The following MLIP variants were observed in gnomAD, a reference collection of about 807,000 sequenced individuals.
The protein encoded by MLIP is muscular LMNA interacting protein, also known as muscular LMNA-interacting protein.
MLIP carries 79 observed loss-of-function variants against 84.8 expected under a neutral mutation model. The ratio of observed to expected loss-of-function variants is 0.93; its 90% CI spans 0.78 to 1.12. MLIP has a LOEUF of 1.12. Ranked by LOEUF, MLIP falls within the 50% of genes most tolerant of loss-of-function variation. The pLI, the probability that MLIP is intolerant of heterozygous loss-of-function variation, is 0.00. For missense variants in MLIP, 1,257 were observed against 1,160.6 expected, an observed-to-expected ratio of 1.08 and a Z score of -1.21; for synonymous variants, 504 against 463.0, an observed-to-expected ratio of 1.09 and a Z score of -1.14.
chr6:54,068,798 C>T lies in MLIP; in HGVS notation c.63+49707C>T, dbSNP rs186894277. Among the ~76,000 whole-genome samples the T allele has an allele frequency of 1.3e-3, 129 of 100,100 alleles. 15 individuals are homozygous for T. Among genetic ancestry groups the T allele is most frequent in the African/African-American group, 3.1e-3 (123 of 39,190 alleles). 65.7% of individuals were successfully genotyped at this position (100,100 alleles called of 152,430 possible). A position where few individuals can be genotyped will look rare whatever the true frequency, so the allele number is the denominator to read the frequency against. On this transcript the variant is annotated intron_variant, in intron 1 of 12. Coordinates refer to the MLIP transcript ENST00000274897. ...GACTTAAAGAGTTAGGTAACTTGCCCCTTCACCAGCTAGCTAGTCAATTTC... is the reference window on the plus strand; with the variant it reads ...GACTTAAAGAGTTAGGTAACTTGCCTCTTCACCAGCTAGCTAGTCAATTTC...
chr6:54,078,954 G>A (rs9474727), intron 1 of MLIP, among the ~76,000 whole-genome samples: 1,963 of 152,144 alleles, frequency 0.013, 54 homozygotes, highest in African/African-American at 0.043. Context: ...GCCTCCCAAA[G>A]TGCTGGGATT....
Position 54,132,503 on chromosome 6 carries a change from CT to C in MLIP, c.646-4209del, listed in dbSNP as rs373803393. ...ATGAAGATGATACTACCAAAATTCA[CT>C]TTCCTGGTAATCTCAATTTTCCTTG... On this transcript the variant is annotated intron_variant, in intron 3 of 13. Coordinates refer to ENST00000502396, the MANE Select transcript of MLIP (RefSeq NM_001281747.2). Among the ~76,000 whole-genome samples, 232 of 152,274 alleles carry C rather than the reference CT, an allele frequency of 1.5e-3. 2 individuals carry two copies. Among genetic ancestry groups the C allele is most frequent in the African/African-American group, 5.3e-3 (220 of 41,574 alleles).
chr6:54,032,463 G>A (rs1373330893), intron 1 of MLIP: 2 of 152,162 alleles, frequency 1.3e-5, no homozygotes, highest in African/African-American at 4.8e-5. Context: ...ACACAATAAT[G>A]ATGAGGTAGG....
intron 1 of MLIP, among the ~76,000 whole-genome samples, chr6:54,073,962 C>T (rs989978610): frequency 8.5e-5 from 13 of 152,310 alleles, no homozygotes; most frequent in South Asian, 6.2e-4. Context: ...TTGCAAGCAG[C>T]AATGGGCTAG....
chr6:54,127,714 T>C (rs900037912), intron 3 of MLIP, among the ~76,000 whole-genome samples: 1 of 152,130 alleles, frequency 6.6e-6, no homozygotes, highest in African/African-American at 2.4e-5. Flanking sequence ...AATATAAATA[T>C]TGGGTTGAAT....
intron 1 of MLIP, among the ~76,000 whole-genome samples, chr6:54,100,389 C>A (rs1020545104): frequency 2.0e-5 from 3 of 151,970 alleles, no homozygotes; most frequent in Non-Finnish European, 4.4e-5. Context: ...ATTTTAGTAA[C>A]TTGAAATTTT....
chr6:54,138,568 A>G (rs1172458579), intron 4 of MLIP, among the ~76,000 whole-genome samples: 1 of 152,206 alleles, frequency 6.6e-6, no homozygotes, highest in Admixed American at 6.5e-5. Context: ...TTCCTCAGAC[A>G]TAATATGAGT....
At chr6:54,227,999 C>T (rs1474174798) in intron 11 of MLIP, among the ~76,000 whole-genome samples, 1 of 151,712 alleles carries the variant, frequency 6.6e-6, no homozygotes, top group Non-Finnish European at 1.5e-5. Context: ...CTGGCTAACA[C>T]GGTGAAACTC....
At chr6:54,216,333 C>T (rs1193795418) in intron 11 of MLIP, 4 of 985,222 alleles carry the variant, frequency 4.1e-6, no homozygotes, top group Non-Finnish European at 3.6e-6. Flanking sequence ...TTTAACTGCT[C>T]CTCCATCCTA....
At position 54,137,811 on chromosome 6, in the gene MLIP, C is replaced by T. The variant is rs935985287; in HGVS notation, c.1742C>T (p.Thr581Met). ...RGPENPRNIH[T>M]YPSTLASSAL... ...CCAGAAAACCCCAGAAACATTCACA[C>T]GTACCCTTCTACATTAGCCTCCTCT... The change falls in exon 4 of 14, where the codon ACG becomes ATG. Residue 581 changes from threonine (T) to methionine (M), a missense_variant. Physicochemically the swap from Thr to Met is moderately conservative, Grantham distance 81 (BLOSUM62 -1). Coordinates refer to ENST00000502396, the MANE Select transcript of MLIP (RefSeq NM_001281747.2). 7.2e-6 allele frequency: 11 copies of T among 1,536,084 alleles called. No homozygotes were observed. The highest frequency in any genetic ancestry group is 8.7e-6 in the Non-Finnish European group (10 of 1,146,896).
In MLIP at chr6:54,124,710, G is replaced by C; in HGVS notation, c.490G>C (p.Gly164Arg). ...AAAAGTTGAACAAGGCCCCCCAGGG[G>C]GGATTGGCACCGCAGCTGTCCGGCC... ...SRKVEQGPPG[G>R]IGTAAVRPKS... Residue 164 changes from glycine (G) to arginine (R), a missense_variant, in exon 3 of 14, where the codon GGG becomes CGG. By Grantham distance (125) the Gly-to-Arg change is moderately radical (BLOSUM62 -2). Coordinates refer to ENST00000502396, the MANE Select transcript of MLIP (RefSeq NM_001281747.2). 1 of 1,614,196 alleles carries C rather than the reference G, an allele frequency of 6.2e-7. No individual in the cohort carries two copies. The highest frequency in any genetic ancestry group is 8.5e-7 in the Non-Finnish European group (1 of 1,180,032).
Position 54,053,399 on chromosome 6 carries a change from T to C in MLIP, c.63+34308T>C, listed in dbSNP as rs559618706. Among the ~76,000 whole-genome samples the C allele has an allele frequency of 4.6e-5, 7 of 152,338 alleles. No homozygotes were observed. In the South Asian group the frequency reaches 8.3e-4, roughly 18 times the overall value. ...AGCATTTATGATGTCTTTTCTTTCATGGTTTAGAGAAATTATCTTTTTTCT... is the reference window on the plus strand; with the variant it reads ...AGCATTTATGATGTCTTTTCTTTCACGGTTTAGAGAAATTATCTTTTTTCT... On this transcript the variant is annotated intron_variant, in intron 1 of 12. Transcript: ENST00000274897.
chr6:54,041,882 C>T (rs1339167525), intron 1 of MLIP, among the ~76,000 whole-genome samples: 5 of 151,956 alleles, frequency 3.3e-5, no homozygotes, highest in South Asian at 2.1e-4. Flanking sequence ...TTTAGCTTCC[C>T]GGACCTCAGG....
At chr6:54,171,745 T>G (rs1290845910) in intron 9 of MLIP, among the ~76,000 whole-genome samples, 18 of 151,576 alleles carry the variant, frequency 1.2e-4, no homozygotes, top group African/African-American at 4.1e-4. Context: ...AAAATTCTAA[T>G]ATTCATATTG....
intron 1 of MLIP, chr6:54,079,817 A>G (rs545575209): frequency 6.6e-6 from 1 of 152,228 alleles, no homozygotes; most frequent in African/African-American, 2.4e-5. Flanking sequence ...TGGATCCTCC[A>G]TCATCCCTGT....
At chr6:54,102,331 G>C (rs1246493713) in intron 1 of MLIP, among the ~76,000 whole-genome samples, 1 of 152,174 alleles carries the variant, frequency 6.6e-6, no homozygotes, top group African/African-American at 2.4e-5. Flanking sequence ...GTATGTGTAG[G>C]ATGAAATTTG....
intron 1 of MLIP, among the ~76,000 whole-genome samples, chr6:54,027,478 T>C (rs940118367): frequency 2.1e-4 from 32 of 152,230 alleles, no homozygotes; most frequent in South Asian, 4.1e-4. Flanking sequence ...CTTTTATTCA[T>C]TCTCTTTCTG....
chr6:54,225,264 C>T (rs908612982), intron 11 of MLIP, among the ~76,000 whole-genome samples: 1 of 152,166 alleles, frequency 6.6e-6, no homozygotes, highest in African/African-American at 2.4e-5. Context: ...GCCTACTACA[C>T]ACCTAAGCTA....
chr6:54,136,170 C>T (rs1475722741), intron 3 of MLIP, among the ~76,000 whole-genome samples: 1 of 152,158 alleles, frequency 6.6e-6, no homozygotes, highest in Non-Finnish European at 1.5e-5. Context: ...TCTGTGTTGA[C>T]ATTGGGTGTT....
Sources: allele counts gnomAD v4.1 joint callset (sites outside exome capture counted in the v4.1 genomes callset), GRCh38; gene constraint gnomAD v4.1.1; transcripts MANE v1.5; gene names NCBI Gene and HGNC (gene_info 2026-07-23, HGNC 2026-07-21).